DCHS2: variants seen among roughly 807,000 people sequenced by gnomAD.
DCHS2 encodes the protein protocadherin-23.
DCHS2 carries 142 observed loss-of-function variants against 182.4 expected under a neutral mutation model. The ratio of observed to expected loss-of-function variants is 0.78; its 90% CI spans 0.68 to 0.89. The LOEUF (loss-of-function observed/expected upper bound fraction) is 0.89, where lower values mean the gene tolerates loss of function less well. DCHS2 is among the 40% of genes least tolerant of loss of function. The pLI is 0.00. For missense variants in DCHS2, 4,319 were observed against 4,198.6 expected (o/e 1.03, Z -0.79); for synonymous variants, 1,740 against 1,663.3 (o/e 1.05, Z -1.12).
At chr4:154,394,535 A>T (rs917792858) in intron 1 of DCHS2, among the ~76,000 whole-genome samples, 3 of 152,234 alleles carry the variant, frequency 2.0e-5, no homozygotes, top group Non-Finnish European at 4.4e-5. Flanking sequence ...GACATTTATT[A>T]TCCCTCTTTG....
chr4:154,296,766 G>T (rs947834769), intron 13 of DCHS2, among the ~76,000 whole-genome samples: 1 of 152,148 alleles, frequency 6.6e-6, no homozygotes, highest in African/African-American at 2.4e-5. Context: ...ATTCACTCAG[G>T]ATGACAAGTG....
At chr4:154,301,766 G>A (rs549707150) in intron 12 of DCHS2, among the ~76,000 whole-genome samples, 1 of 152,296 alleles carries the variant, frequency 6.6e-6, no homozygotes, top group South Asian at 2.1e-4. Context: ...GCATCCCAAA[G>A]TGGTGGGATT....
At chr4:154,425,072 G>T (rs1020178175) in intron 1 of DCHS2, among the ~76,000 whole-genome samples, 1 of 152,188 alleles carries the variant, frequency 6.6e-6, no homozygotes, top group Non-Finnish European at 1.5e-5. Context: ...CAGGATCGCT[G>T]GGCTGAGGGA....
In DCHS2 at chr4:154,305,156, C is replaced by A. The variant is rs1735393425; in HGVS notation, c.5336G>T (p.Gly1779Val). ...AAGTATGGTGGTTGTCACTACCTCT[C>A]CAGTGTCAGAATTTATCTCGAATAA... ...FELFEINSDT[G>V]EVVTTTILDR... Residue 1779 changes from glycine (G) to valine (V), a missense_variant, in exon 11 of 20, where the codon GGA becomes GTA. Physicochemically the swap from Gly to Val is moderately radical, Grantham distance 109. Coordinates refer to ENST00000357232, the MANE Select transcript of DCHS2 (RefSeq NM_001358235.2). The A allele has an allele frequency of 6.2e-7, 1 of 1,612,676 alleles. No homozygotes were observed. The highest frequency in any genetic ancestry group is 1.7e-5 in the Admixed American group (1 of 59,954).
rs1192547641 is a variant in DCHS2, at chr4:154,489,338, G to T, written c.2018C>A (p.Ala673Glu). ...FWRQVYNATI[A>E]EHAPVGHCFL... ...GCAGTGTCCAACCGGGGCATGCTCT[G>T]CAATGGTGGCATTGTACACCTGCCT... Residue 673 changes from alanine to glutamate, a missense_variant, in exon 1 of 20, where the codon GCA (alanine) becomes GAA (glutamate). Ala to Glu is a moderately radical substitution (Grantham distance 107). Coordinates refer to ENST00000357232, the MANE Select transcript of DCHS2 (RefSeq NM_001358235.2). The T allele has an allele frequency of 6.5e-7, 1 of 1,542,972 alleles. No individual in the cohort carries two copies. Among genetic ancestry groups the T allele is most frequent in the Non-Finnish European group, 8.8e-7 (1 of 1,140,908 alleles).
chr4:154,325,350 TGTG>T (rs1421530546), intron 7 of DCHS2, among the ~76,000 whole-genome samples: 3 of 133,608 alleles, frequency 2.2e-5, no homozygotes, highest in African/African-American at 7.6e-5. Flanking sequence ...TGTGTGTGTG[TGTG>T]TGTGTGTATT....
At position 154,235,228 on chromosome 4, in the gene DCHS2, G is replaced by A. The variant is rs774521920; in HGVS notation, c.9424C>T (p.Leu3142Phe). ...TCAGTTTCCCCAGATAGGCAGGAGAGCTGGTCTGAGTCCCTCGGGATACCC... is the reference window on the plus strand; with the variant it reads ...TCAGTTTCCCCAGATAGGCAGGAGAACTGGTCTGAGTCCCTCGGGATACCC... ...DSGIPRDSDQ[L>F]SCLSGETDVM... Residue 3142 changes from leucine to phenylalanine, a missense_variant, in exon 20 of 20, where the codon CTC becomes TTC. Physicochemically the swap from Leu to Phe is conservative, Grantham distance 22 (BLOSUM62 0). Transcript: ENST00000357232. The A allele has an allele frequency of 2.1e-5, 34 of 1,614,006 alleles. No individual in the cohort carries two copies. In the Admixed American group the frequency reaches 5.0e-4, roughly 24 times the overall value.
At chr4:154,279,891 T>C (rs998654965) in intron 13 of DCHS2, among the ~76,000 whole-genome samples, 1 of 151,574 alleles carries the variant, frequency 6.6e-6, no homozygotes, top group Admixed American at 6.6e-5. Context: ...CAGAAATAAA[T>C]GACATTATAG....
At chr4:154,435,449 A>T (rs1733736839) in intron 1 of DCHS2, among the ~76,000 whole-genome samples, 1 of 152,040 alleles carries the variant, frequency 6.6e-6, no homozygotes, top group African/African-American at 2.4e-5. Context: ...CAAAAAAATT[A>T]GCTGGGTATG....
intron 10 of DCHS2, among the ~76,000 whole-genome samples, chr4:154,309,647 A>G (rs1389213357): frequency 1.3e-5 from 2 of 152,110 alleles, no homozygotes; most frequent in East Asian, 3.9e-4. Context: ...TTGGCACCAG[A>G]ATTGGGTCTC....
At chr4:154,283,829 G>C (rs562132575) in intron 13 of DCHS2, among the ~76,000 whole-genome samples, 11 of 152,194 alleles carry the variant, frequency 7.2e-5, no homozygotes, top group Admixed American at 3.9e-4. Flanking sequence ...ACCATTTCTT[G>C]TATGGGCTGT....
intron 3 of DCHS2, among the ~76,000 whole-genome samples, chr4:154,337,732 T>TTTA (rs149425538): frequency 0.15 from 23,061 of 150,356 alleles, 1,957 homozygotes; most frequent in Admixed American, 0.27. Context: ...CTAGCCATAT[T>TTTA]TTATTATTAT....
chr4:154,464,882 C>G (rs1211374501), intron 1 of DCHS2, among the ~76,000 whole-genome samples: 2 of 152,122 alleles, frequency 1.3e-5, no homozygotes, highest in Non-Finnish European at 2.9e-5. Context: ...ACAACTTCCG[C>G]CCTTGCAACT....
chr4:154,248,424 G>T (rs1732188314), intron 16 of DCHS2, among the ~76,000 whole-genome samples: 1 of 152,132 alleles, frequency 6.6e-6, no homozygotes, highest in Non-Finnish European at 1.5e-5. Context: ...TCAGTTAATA[G>T]TGTCTGCTTC....
chr4:154,316,612 A>G (rs532411387), intron 9 of DCHS2, among the ~76,000 whole-genome samples: 17 of 152,152 alleles, frequency 1.1e-4, no homozygotes, highest in East Asian at 1.9e-4. Flanking sequence ...GTGAAACTCC[A>G]TCTCCTCTAA....
chr4:154,277,522 G>A (rs1259222513), intron 13 of DCHS2, among the ~76,000 whole-genome samples: 1 of 151,866 alleles, frequency 6.6e-6, no homozygotes, highest in Non-Finnish European at 1.5e-5. Context: ...ACCTTTAGGA[G>A]GCCCCCAGAA....
At chr4:154,295,734 T>A (rs1734898185) in intron 13 of DCHS2, among the ~76,000 whole-genome samples, 1 of 152,152 alleles carries the variant, frequency 6.6e-6, no homozygotes. Context: ...CTTTACAGTA[T>A]CCCTGTGAGG....
chr4:154,402,633 C>A (rs1049301994), intron 1 of DCHS2, among the ~76,000 whole-genome samples: 2 of 152,150 alleles, frequency 1.3e-5, no homozygotes, highest in South Asian at 4.1e-4. Flanking sequence ...AGCAAAGTCC[C>A]ATCTTACATG....
At chr4:154,331,289 C>G (rs1485502572) in intron 5 of DCHS2, among the ~76,000 whole-genome samples, 10 of 152,040 alleles carry the variant, frequency 6.6e-5, no homozygotes, top group African/African-American at 1.9e-4. Flanking sequence ...TTGCTTAAAG[C>G]CATACAATGA....
Sources: allele counts gnomAD v4.1 joint callset (sites outside exome capture counted in the v4.1 genomes callset), GRCh38; gene constraint gnomAD v4.1.1; transcripts MANE v1.5; gene names NCBI Gene and HGNC (gene_info 2026-07-23, HGNC 2026-07-21).